The following NEDD4 variants were observed in gnomAD, a reference collection of about 807,000 sequenced individuals.
The protein encoded by NEDD4 is E3 ubiquitin-protein ligase NEDD4.
A neutral mutation model predicts 144.9 loss-of-function variants in NEDD4; 99 were observed. That is an observed-to-expected ratio of 0.68 (90% CI 0.58 to 0.81). NEDD4 has a LOEUF of 0.81. NEDD4 is among the 30% of genes least tolerant of loss of function. NEDD4 has a pLI of 0.00. For synonymous variants in NEDD4, 318 were observed against 350.6 expected, an observed-to-expected ratio of 0.91 and a Z score of 1.04; for missense variants, 985 against 1,065.9, an observed-to-expected ratio of 0.92 and a Z score of 1.06.
intron 1 of NEDD4, among the ~76,000 whole-genome samples, chr15:55,986,575 CCTTG>C (rs2037895598): frequency 7.0e-6 from 1 of 143,392 alleles, no homozygotes; most frequent in Non-Finnish European, 1.5e-5. Flanking sequence ...TAAGGCCTGT[CCTTG>C]CTTTTTTTTT....
At chr15:55,984,884 A>C (rs2037864688) in intron 1 of NEDD4, among the ~76,000 whole-genome samples, 1 of 152,230 alleles carries the variant, frequency 6.6e-6, no homozygotes, top group African/African-American at 2.4e-5. Context: ...CAGCAATTCA[A>C]ATCAGCTATC....
chr15:55,926,211 A>C (rs1404317649), intron 4 of NEDD4, among the ~76,000 whole-genome samples: 3 of 152,148 alleles, frequency 2.0e-5, no homozygotes, highest in Non-Finnish European at 2.9e-5. Context: ...TTTAACATGG[A>C]GACCCTGAAT....
rs187671007 is a variant in NEDD4 at position 55,840,103 on chromosome 15, A to G, written c.2031+344T>C. Among the ~76,000 whole-genome samples, 637 of 143,370 alleles carry G rather than the reference A, an allele frequency of 4.4e-3. 2 individuals are homozygous for G. Among genetic ancestry groups the G allele is most frequent in the Admixed American group, 0.012 (163 of 13,818 alleles). 94.1% of individuals were successfully genotyped at this position (143,370 alleles called of 152,430 possible). A position where few individuals can be genotyped will look rare whatever the true frequency, so the allele number is the denominator to read the frequency against. ...TTCAAAAGACATATAACTTGGTATA[A>G]CCTATTGAAGTATTTAGTGGGATGT... On this transcript the variant is annotated intron_variant, in intron 21 of 28. Transcript: ENST00000435532.
intron 15 of NEDD4, 35 bp downstream of exon 15, chr15:55,848,771 C>G: frequency 6.4e-7 from 1 of 1,573,036 alleles, no homozygotes; most frequent in Non-Finnish European, 8.7e-7. Context: ...TTTGAGATAG[C>G]CAAGTTAGAT....
At chr15:55,938,087 G>A (rs567464910) in intron 4 of NEDD4, among the ~76,000 whole-genome samples, 7 of 152,252 alleles carry the variant, frequency 4.6e-5, no homozygotes, top group Non-Finnish European at 5.9e-5. Context: ...GTGGCCAGGC[G>A]CAGTGGCTCA....
chr15:55,948,716 T>G (rs1482468733), intron 4 of NEDD4, among the ~76,000 whole-genome samples: 1 of 152,184 alleles, frequency 6.6e-6, no homozygotes, highest in East Asian at 1.9e-4. Context: ...GGATTCCCTA[T>G]TTAATAAATG....
In NEDD4 at chr15:55,835,439, T is replaced by C. The variant is rs74015306; in HGVS notation, c.2263-1153A>G. On this transcript the variant is annotated intron_variant, in intron 24 of 28. Transcript: ENST00000435532. ...TGTTCTGTTTTTTTTTTTTTTTTTT[T>C]CCCATGCCCTAAACTGTCCATTTAT... Among the ~76,000 whole-genome samples, 1,087 of 142,892 alleles carry C rather than the reference T, an allele frequency of 7.6e-3. 26 individuals are homozygous for C. The highest frequency in any genetic ancestry group is 0.043 in the Admixed American group (618 of 14,294). The allele number at this position is 142,892 out of a possible 152,430, so 93.7% of individuals were successfully genotyped here.
At chr15:55,983,879 G>T (rs1242376404) in intron 1 of NEDD4, among the ~76,000 whole-genome samples, 1 of 152,026 alleles carries the variant, frequency 6.6e-6, no homozygotes, top group African/African-American at 2.4e-5. Context: ...CGAAAGTGCT[G>T]GGATTACAGG....
rs1008755254 is a variant in NEDD4, at chr15:55,966,697, G to A, written c.46-151C>T. On this transcript the variant is annotated intron_variant, in intron 1 of 28. Coordinates refer to ENST00000435532, the MANE Select transcript of NEDD4 (RefSeq NM_006154.4). ...TAATTAATTTTATTAAAAGTTACAC[G>A]GGAAAAAAAGAAAATTATTTGTAGA... 2.6e-5 allele frequency among the ~76,000 whole-genome samples: 4 copies of A among 151,772 alleles called. No homozygotes were observed. In the South Asian group the frequency reaches 6.2e-4, roughly 24 times the overall value.
intron 5 of NEDD4, among the ~76,000 whole-genome samples, chr15:55,880,265 C>G (rs1197894001): frequency 6.6e-5 from 10 of 151,652 alleles, no homozygotes; most frequent in African/African-American, 2.4e-4. Context: ...GCACGCTAGT[C>G]TGGGTGACGG....
At chr15:55,946,639 G>T (rs1174828979) in intron 4 of NEDD4, among the ~76,000 whole-genome samples, 1 of 152,154 alleles carries the variant, frequency 6.6e-6, no homozygotes, top group African/African-American at 2.4e-5. Context: ...ATTGAACTCA[G>T]CTCTGCACCA....
chr15:55,947,226 T>A (rs1192189772), intron 4 of NEDD4, among the ~76,000 whole-genome samples: 1 of 152,146 alleles, frequency 6.6e-6, no homozygotes, highest in East Asian at 1.9e-4. Flanking sequence ...GGAGGTAGTT[T>A]TTTGAAAAGA....
chr15:55,981,488 C>T lies in NEDD4; in HGVS notation c.45+12023G>A, dbSNP rs547599835. 2.6e-4 allele frequency among the ~76,000 whole-genome samples: 40 copies of T among 152,098 alleles called. 1 individual carries two copies. Among genetic ancestry groups the T allele is most frequent in the African/African-American group, 7.7e-4 (32 of 41,498 alleles). The stretch of plus-strand genomic sequence containing the variant: ...CTCTGGTATGTAAATTTATTTGAAA[C>T]GATCTATAAAAATATAAGTGGAAGA... On this transcript the variant is annotated intron_variant, in intron 1 of 28. Transcript: ENST00000435532.
intron 2 of NEDD4, among the ~76,000 whole-genome samples, chr15:55,954,053 C>T (rs1207933424): frequency 6.6e-6 from 1 of 152,202 alleles, no homozygotes; most frequent in Non-Finnish European, 1.5e-5. Flanking sequence ...CACTTCAAAA[C>T]CCTACAGTCT....
chr15:55,949,974 T>G (rs1012021583), intron 4 of NEDD4, among the ~76,000 whole-genome samples: 11 of 151,254 alleles, frequency 7.3e-5, no homozygotes, highest in Non-Finnish European at 1.3e-4. Context: ...AAAATACATA[T>G]GTTTCTAAGA....
chr15:55,860,551 A>G lies in NEDD4; in HGVS notation c.816T>C (p.Asp272=), dbSNP rs779030150. 6.2e-7 allele frequency: 1 copy of G among 1,614,036 alleles called. No individual in the cohort carries two copies. The highest frequency in any genetic ancestry group is 1.3e-5 in the African/African-American group (1 of 75,044). Residue 272 remains aspartate, a synonymous_variant, in exon 11 of 29, where the codon GAT becomes GAC. Transcript: ENST00000435532. ...SSENWEIIRE[D]EATMYSNQAF... ...CCTGGTTGCTATACATGGTGGCTTC[A>G]TCTTCTCTTATAATTTCCCAGTTCT...
intron 24 of NEDD4, among the ~76,000 whole-genome samples, chr15:55,834,619 C>G (rs1455895956): frequency 2.0e-5 from 3 of 152,078 alleles, no homozygotes; most frequent in South Asian, 2.1e-4. Flanking sequence ...GGTGAAACAC[C>G]ATCTCTACAA....
intron 5 of NEDD4, among the ~76,000 whole-genome samples, chr15:55,896,236 C>T (rs1242972014): frequency 6.6e-6 from 1 of 152,150 alleles, no homozygotes; most frequent in Admixed American, 6.6e-5. Flanking sequence ...GGCTGGAGTG[C>T]AATGGCACGA....
chr15:55,836,490 C>T (rs1373414270), intron 24 of NEDD4, among the ~76,000 whole-genome samples: 11 of 152,228 alleles, frequency 7.2e-5, no homozygotes, highest in African/African-American at 2.6e-4. Flanking sequence ...CCTCAGCCTC[C>T]CAAGTAGCTG....
Sources: gnomAD v4.1 joint callset for allele counts (sites outside exome capture counted in the v4.1 genomes callset) on GRCh38, gnomAD v4.1.1 for gene constraint, MANE v1.5 for transcripts, NCBI Gene and HGNC (gene_info 2026-07-23, HGNC 2026-07-21) for gene names.